Variants in OPCML observed in about 807,000 individuals in gnomAD.
OPCML encodes opioid binding protein/cell adhesion molecule like, also known as opioid-binding protein/cell adhesion molecule.
In OPCML, 13 loss-of-function variants were observed where a neutral mutation model predicts 37.8. The observed-to-expected ratio is 0.34, with a 90% CI of 0.22 to 0.55. The LOEUF is 0.55. Among genes scored for constraint, OPCML ranks in the 20% least tolerant of loss-of-function variants. OPCML has a pLI of 0.91. For missense variants in OPCML, 341 were observed against 435.6 expected, an observed-to-expected ratio of 0.78 and a Z score of 1.93; for synonymous variants, 176 against 168.8, an observed-to-expected ratio of 1.04 and a Z score of -0.33.
chr11:132,496,150 A>G (rs2096230592), intron 4 of OPCML, among the ~76,000 whole-genome samples: 1 of 152,146 alleles, frequency 6.6e-6, no homozygotes, highest in Admixed American at 6.5e-5. Context: ...GGCTGTGCGT[A>G]TCATACTCTT....
At chr11:132,481,635 C>T (rs1226327779) in intron 4 of OPCML, among the ~76,000 whole-genome samples, 2 of 151,482 alleles carry the variant, frequency 1.3e-5, no homozygotes, top group Non-Finnish European at 2.9e-5. Context: ...AGCACCACAC[C>T]ACACCTATTC....
intron 3 of OPCML, among the ~76,000 whole-genome samples, chr11:132,651,130 G>T (rs769201406): frequency 6.6e-6 from 1 of 152,146 alleles, no homozygotes; most frequent in Non-Finnish European, 1.5e-5. Context: ...ACCCTTTTCT[G>T]GAGCACCTCT....
rs143571997 is a variant in OPCML at position 133,158,271 on chromosome 11, T to C, written c.62-215261A>G. Among the ~76,000 whole-genome samples, 547 of 152,344 alleles carry C rather than the reference T, an allele frequency of 3.6e-3. 1 individual carries two copies. Among genetic ancestry groups the C allele is most frequent in the Non-Finnish European group, 5.5e-3 (377 of 68,040 alleles). On this transcript the variant is annotated intron_variant, in intron 1 of 7. Transcript: ENST00000524381. Reference sequence around the variant, plus strand: ...CTTCCCCATACCCAAAGATGGTTTGTGTTTCCGAACAAAATATAATGAGAG... The same window carrying C: ...CTTCCCCATACCCAAAGATGGTTTGCGTTTCCGAACAAAATATAATGAGAG...
At chr11:132,993,819 C>T (rs1324316069) in intron 1 of OPCML, among the ~76,000 whole-genome samples, 1 of 152,090 alleles carries the variant, frequency 6.6e-6, no homozygotes, top group East Asian at 1.9e-4. Context: ...GACAACTACC[C>T]CCCCACCCCG....
intron 1 of OPCML, among the ~76,000 whole-genome samples, chr11:133,353,818 T>C (rs1944198551): frequency 1.3e-5 from 2 of 152,222 alleles, no homozygotes; most frequent in Admixed American, 6.5e-5. Context: ...AGAGGCTTTA[T>C]GCCTGCTGTT....
intron 3 of OPCML, among the ~76,000 whole-genome samples, chr11:132,614,670 A>C (rs1938879178): frequency 6.6e-6 from 1 of 152,226 alleles, no homozygotes; most frequent in African/African-American, 2.4e-5. Context: ...GAGGAGAGAA[A>C]AACAAATCTT....
intron 2 of OPCML, among the ~76,000 whole-genome samples, chr11:132,885,116 C>G (rs983831360): frequency 6.6e-6 from 1 of 152,216 alleles, no homozygotes; most frequent in African/African-American, 2.4e-5. Flanking sequence ...TGCACCCCAC[C>G]ACCAAATGCC....
intron 3 of OPCML, among the ~76,000 whole-genome samples, chr11:132,555,456 G>A (rs932957882): frequency 2.0e-5 from 3 of 152,120 alleles, no homozygotes; most frequent in African/African-American, 4.8e-5. Context: ...CAATATGGGA[G>A]AAACTGCTCC....
At chr11:132,868,870 G>C (rs11820427) in intron 2 of OPCML, among the ~76,000 whole-genome samples, 1,970 of 152,288 alleles carry the variant, frequency 0.013, 50 homozygotes, top group African/African-American at 0.045. Flanking sequence ...CCATGCACAA[G>C]TGTGTGTGCT....
chr11:133,487,791 G>A (rs970057345), intron 1 of OPCML, among the ~76,000 whole-genome samples: 14 of 151,838 alleles, frequency 9.2e-5, no homozygotes, highest in African/African-American at 2.9e-4. Context: ...GTGTGTGTGT[G>A]TGTGTGTGTG....
At chr11:132,893,752 T>C (rs557523133) in intron 2 of OPCML, among the ~76,000 whole-genome samples, 1 of 152,364 alleles carries the variant, frequency 6.6e-6, no homozygotes, top group South Asian at 2.1e-4. Context: ...ATAGCTCCCA[T>C]TGTTTTGAAG....
chr11:133,522,660 C>T (rs4936194), intron 1 of OPCML, among the ~76,000 whole-genome samples: 29,539 of 151,988 alleles, frequency 0.19, 3,432 homozygotes, highest in Admixed American at 0.32. Flanking sequence ...TCAGTCCAGC[C>T]CTTCACTATG....
intron 1 of OPCML, among the ~76,000 whole-genome samples, chr11:133,284,424 G>A (rs1383136468): frequency 6.6e-6 from 1 of 152,174 alleles, no homozygotes; most frequent in Non-Finnish European, 1.5e-5. Flanking sequence ...GCTGGGAGGA[G>A]CACTTGCAAT....
intron 1 of OPCML, among the ~76,000 whole-genome samples, chr11:133,428,613 G>A (rs553679762): frequency 6.6e-6 from 1 of 152,148 alleles, no homozygotes; most frequent in East Asian, 1.9e-4. Context: ...CAACATGTAG[G>A]ATTAACTTAA....
chr11:133,000,376 G>A (rs1016801089), intron 1 of OPCML, among the ~76,000 whole-genome samples: 2 of 152,208 alleles, frequency 1.3e-5, no homozygotes, highest in Admixed American at 6.5e-5. Context: ...GCCTCTCAAA[G>A]TGCTGGGATT....
intron 1 of OPCML, among the ~76,000 whole-genome samples, chr11:133,188,543 T>A (rs1938183346): frequency 6.6e-6 from 1 of 152,100 alleles, no homozygotes; most frequent in African/African-American, 2.4e-5. Flanking sequence ...AAAAAAAAGT[T>A]TGAGATGTCT....
intron 1 of OPCML, among the ~76,000 whole-genome samples, chr11:133,031,632 A>G (rs1470441175): frequency 8.7e-6 from 1 of 115,116 alleles, no homozygotes; most frequent in Non-Finnish European, 2.0e-5. Flanking sequence ...GGGTGGATGG[A>G]TGGGTGGATG....
chr11:133,529,529 A>G (rs751167165), intron 1 of OPCML, among the ~76,000 whole-genome samples: 2 of 152,212 alleles, frequency 1.3e-5, no homozygotes, highest in African/African-American at 2.4e-5. Context: ...TTTCCATCCC[A>G]GAAATTCTGC....
At chr11:133,143,911 G>A (rs1949860816) in intron 1 of OPCML, among the ~76,000 whole-genome samples, 1 of 152,332 alleles carries the variant, frequency 6.6e-6, no homozygotes, top group South Asian at 2.1e-4. Flanking sequence ...AGAGGTAAGA[G>A]AGATGGAAGG....
Sources: gnomAD v4.1 joint callset for allele counts (sites outside exome capture counted in the v4.1 genomes callset) on GRCh38, gnomAD v4.1.1 for gene constraint, MANE v1.5 for transcripts, NCBI Gene and HGNC (gene_info 2026-07-23, HGNC 2026-07-21) for gene names.